POU2F2: variants seen among roughly 807,000 people sequenced by gnomAD.
POU2F2 encodes the protein POU domain, class 2, transcription factor 2.
POU2F2 carries 14 observed loss-of-function variants against 63.5 expected under a neutral mutation model. The ratio of observed to expected loss-of-function variants is 0.22; its 90% CI spans 0.15 to 0.34. The LOEUF (loss-of-function observed/expected upper bound fraction) is 0.34, where lower values mean the gene tolerates loss of function less well. Among genes scored for constraint, POU2F2 ranks in the 10% least tolerant of loss-of-function variants. POU2F2 has a pLI of 1.00. For missense variants in POU2F2, 607 were observed against 815.2 expected (o/e 0.74, Z 3.11); for synonymous variants, 306 against 348.6 (o/e 0.88, Z 1.36).
At chr19:42,125,511 C>T (rs1568395225) in intron 1 of POU2F2, among the ~76,000 whole-genome samples, 1 of 152,150 alleles carries the variant, frequency 6.6e-6, no homozygotes, top group Non-Finnish European at 1.5e-5. Context: ...AAGAAGGGAG[C>T]TGGGCAGCAA....
Position 42,095,364 on chromosome 19 carries a change from C to T in POU2F2, c.1119G>A (p.Lys373=), listed in dbSNP as rs1335996688. 3 of 1,614,028 alleles carry T rather than the reference C, an allele frequency of 1.9e-6. No individual in the cohort carries two copies. The South Asian group carries it at 3.3e-5, about 18-fold the overall frequency. The part of the protein sequence containing the change: ...IRVWFCNRRQ[K]EKRINPCSAA... The stretch of plus-strand genomic sequence containing the variant: ...CACTGCAGGGGTTGATGCGTTTCTC[C>T]TTCTGGCGCCGGTTGCAGAACCAGA... Residue 373 remains lysine (K), a synonymous_variant, in exon 11 of 15, where the codon AAG becomes AAA. Transcript: ENST00000692977. The surrounding 1 kb of genome is among the most constrained non-coding windows in gnomAD (Gnocchi z 7.1).
chr19:42,097,028 G>A (rs1333162944), intron 7 of POU2F2, among the ~76,000 whole-genome samples: 1 of 151,782 alleles, frequency 6.6e-6, no homozygotes, highest in Non-Finnish European at 1.5e-5. Flanking sequence ...GGACTGGGAG[G>A]GCAATTAGAG....
intron 7 of POU2F2, among the ~76,000 whole-genome samples, chr19:42,098,488 C>T (rs1275630377): frequency 1.4e-4 from 22 of 151,726 alleles, no homozygotes; most frequent in Admixed American, 1.4e-3. Flanking sequence ...CCGGCCCCCA[C>T]CCCCACTAGG....
chr19:42,115,107 G>C (rs1010855351), intron 5 of POU2F2, among the ~76,000 whole-genome samples: 35 of 151,818 alleles, frequency 2.3e-4, no homozygotes, highest in African/African-American at 8.2e-4. Context: ...GCCATAATCC[G>C]CCACTGCACT....
At chr19:42,194,228 T>A (rs568330265) in intron 1 of POU2F2, among the ~76,000 whole-genome samples, 34 of 148,676 alleles carry the variant, frequency 2.3e-4, no homozygotes, top group South Asian at 1.3e-3. Flanking sequence ...ACAAAAAAAA[T>A]AATAATAATA....
At chr19:42,131,625 G>T (rs991860611) in intron 1 of POU2F2, among the ~76,000 whole-genome samples, 2 of 152,192 alleles carry the variant, frequency 1.3e-5, no homozygotes, top group Non-Finnish European at 2.9e-5. Context: ...ACAGTGCCTG[G>T]TGCACAATGT....
rs375815137 is a variant in POU2F2, at chr19:42,172,019, A to G, written c.-70+3944T>C. ...CAGCCAGATCAAGTTCCAACTTCTCAGAGCAGCAGCTGAGCCTCCACAGAC... is the reference window on the plus strand; with the variant it reads ...CAGCCAGATCAAGTTCCAACTTCTCGGAGCAGCAGCTGAGCCTCCACAGAC... On this transcript the variant is annotated intron_variant, in intron 1 of 6. Coordinates refer to the POU2F2 transcript ENST00000524801. Among the ~76,000 whole-genome samples, 20 of 152,322 alleles carry G rather than the reference A, an allele frequency of 1.3e-4. 1 individual carries two copies. Among genetic ancestry groups the G allele is most frequent in the Admixed American group, 1.1e-3 (17 of 15,306 alleles).
At chr19:42,151,459 G>C (rs1165064496) in intron 2 of POU2F2, among the ~76,000 whole-genome samples, 1 of 152,148 alleles carries the variant, frequency 6.6e-6, no homozygotes, top group Non-Finnish European at 1.5e-5. Context: ...GGGGGCTGGG[G>C]GGACGCACCT....
At chr19:42,093,685 C>T in intron 12 of POU2F2, 144 bp downstream of exon 12, 1 of 760,708 alleles carries the variant, frequency 1.3e-6, no homozygotes, top group Non-Finnish European at 2.1e-6. Flanking sequence ...CTACCCTCTT[C>T]CCACTGTCTC....
Position 42,095,222 on chromosome 19 carries a change from G to T in POU2F2, c.1197+64C>A. ...GGCTCTGTGGACAACCAGGTAGGGT[G>T]GGCTTCACACAGGTGCCTGCGGAGC... On this transcript the variant is annotated intron_variant, in intron 11 of 14. Coordinates refer to ENST00000692977, the MANE Select transcript of POU2F2 (RefSeq NM_001394376.1). The surrounding 1 kb of genome is among the most constrained non-coding windows in gnomAD (Gnocchi z 7.1). 1.3e-6 allele frequency: 2 copies of T among 1,526,906 alleles called. No homozygotes were observed. The allele number at this position is 1,526,906 out of a possible 1,614,324, so 94.6% of individuals were successfully genotyped here.
rs1306105711 is a variant in POU2F2, at chr19:42,086,468, C to T, written c.*4789G>A. On this transcript the variant is annotated 3_prime_UTR_variant, in exon 15 of 15. Coordinates refer to ENST00000692977, the MANE Select transcript of POU2F2 (RefSeq NM_001394376.1). ...CAACTTCACCCACCCCCATTCCAAC[C>T]TGGTCATTCTGGGTGGTGAAAGACA... 1 of 152,232 alleles carries T rather than the reference C, an allele frequency of 6.6e-6. No homozygotes were observed. The highest frequency in any genetic ancestry group is 1.5e-5 in the Non-Finnish European group (1 of 68,064). 9.4% of individuals were successfully genotyped at this position (152,232 alleles called of 1,614,324 possible). A position where few individuals can be genotyped will look rare whatever the true frequency, so the allele number is the denominator to read the frequency against.
intron 7 of POU2F2, among the ~76,000 whole-genome samples, chr19:42,098,074 G>A (rs1029008174): frequency 2.6e-5 from 4 of 152,128 alleles, no homozygotes; most frequent in African/African-American, 9.7e-5. Context: ...ACAAGTAGCT[G>A]AGACTATAGG....
intron 2 of POU2F2, among the ~76,000 whole-genome samples, chr19:42,154,437 G>A (rs1489021114): frequency 6.6e-6 from 1 of 152,042 alleles, no homozygotes; most frequent in East Asian, 1.9e-4. Context: ...GAGCACGACA[G>A]AGAGAGACGC....
At chr19:42,194,664 C>T (rs2035110244) in intron 1 of POU2F2, among the ~76,000 whole-genome samples, 1 of 138,242 alleles carries the variant, frequency 7.2e-6, no homozygotes, top group Non-Finnish European at 1.5e-5. Flanking sequence ...GAGGCTGAAG[C>T]AGAAGGATCT....
chr19:42,109,272 G>A (rs892110337), intron 5 of POU2F2, among the ~76,000 whole-genome samples: 7 of 152,162 alleles, frequency 4.6e-5, no homozygotes, highest in African/African-American at 1.4e-4. Flanking sequence ...GGCCTCTCGC[G>A]CCCCCATTAG....
upstream of POU2F2, among the ~76,000 whole-genome samples, chr19:42,177,987 G>A (rs1422231444): frequency 6.6e-6 from 1 of 151,996 alleles, no homozygotes; most frequent in African/African-American, 2.4e-5. Flanking sequence ...GAGCACAGGG[G>A]ACTCAAAGGC....
At chr19:42,177,014 G>A (rs2034896547), upstream of POU2F2, 1 of 150,920 alleles carries the variant, frequency 6.6e-6, no homozygotes, top group African/African-American at 2.4e-5. Context: ...CAAGCGCGGC[G>A]CGGGCGGGCG....
chr19:42,098,557 A>G (rs1468559387), intron 7 of POU2F2, among the ~76,000 whole-genome samples: 1 of 152,168 alleles, frequency 6.6e-6, no homozygotes, highest in Non-Finnish European at 1.5e-5. Context: ...CAAAAATGCC[A>G]TACCAAGAGG....
At chr19:42,097,307 C>A (rs11666547) in intron 7 of POU2F2, among the ~76,000 whole-genome samples, 5 of 150,580 alleles carry the variant, frequency 3.3e-5, no homozygotes, top group Non-Finnish European at 5.9e-5. Context: ...AAGTGATACT[C>A]CTGCCTCAGC....
Sources: gnomAD v4.1 joint callset for allele counts (sites outside exome capture counted in the v4.1 genomes callset) on GRCh38, gnomAD v4.1.1 for gene constraint, Gnocchi (gnomAD v3.1) non-coding constraint, MANE v1.5 for transcripts, NCBI Gene and HGNC (gene_info 2026-07-23, HGNC 2026-07-21) for gene names.